Variants in PCDHGB1 observed in about 807,000 individuals in gnomAD.
PCDHGB1 encodes the protein protocadherin gamma-B1.
In PCDHGB1, 34 loss-of-function variants were observed where a neutral mutation model predicts 56.6. The observed-to-expected ratio is 0.60, with a 90% CI of 0.46 to 0.80. The LOEUF (loss-of-function observed/expected upper bound fraction) is 0.80, where lower values mean the gene tolerates loss of function less well. Among genes scored for constraint, PCDHGB1 ranks in the 30% least tolerant of loss-of-function variants. The probability of loss-of-function intolerance (pLI) is 0.00; values close to 1 mark genes in which losing one functional copy is unlikely to be tolerated. For missense variants in PCDHGB1, 1,278 were observed against 1,204.6 expected, an observed-to-expected ratio of 1.06 and a Z score of -0.90; for synonymous variants, 561 against 505.9, an observed-to-expected ratio of 1.11 and a Z score of -1.46.
At chr5:141,413,763 G>A (rs964376306) in intron 1 of PCDHGB1, 6 of 1,612,814 alleles carry the variant, frequency 3.7e-6, no homozygotes, top group Non-Finnish European at 5.1e-6. Context: ...TCAAGTACCC[G>A]GAGCTGGTAC....
intron 1 of PCDHGB1, chr5:141,361,833 G>A (rs376471858): frequency 1.3e-4 from 207 of 1,612,780 alleles, no homozygotes; most frequent in Non-Finnish European, 1.7e-4. Flanking sequence ...TGTACCCCGC[G>A]CTGGGGCCTG....
At position 141,486,694 on chromosome 5, in the gene PCDHGB1, C is replaced by T. The variant is rs1275794121; in HGVS notation, c.2410-8113C>T. ...ATCGAGATGTATCAGCTTCCTCTTTCATCTCTCTGAACCCCCAGACAGGAG... is the reference window on the plus strand; with the variant it reads ...ATCGAGATGTATCAGCTTCCTCTTTTATCTCTCTGAACCCCCAGACAGGAG... On this transcript the variant is annotated intron_variant, in intron 1 of 3. Transcript: ENST00000523390. This position sits in a 1 kb window ranked among gnomAD's most constrained non-coding sequence, Gnocchi z 5.0. 1.2e-6 allele frequency: 2 copies of T among 1,614,168 alleles called. No individual in the cohort carries two copies. Among genetic ancestry groups the T allele is most frequent in the Non-Finnish European group, 1.7e-6 (2 of 1,180,044 alleles).
intron 1 of PCDHGB1, chr5:141,366,310 C>A: frequency 6.2e-7 from 1 of 1,613,772 alleles, no homozygotes; most frequent in East Asian, 2.2e-5. Flanking sequence ...CCTTCACGGT[C>A]ACCGTTGCCG....
At chr5:141,419,756 G>A in intron 1 of PCDHGB1, 7 of 1,614,008 alleles carry the variant, frequency 4.3e-6, no homozygotes, top group East Asian at 2.2e-5. Flanking sequence ...GCGTGCTTTG[G>A]GTGACAAGGA....
rs6873304 is a variant in PCDHGB1, at chr5:141,369,666, G to A, written c.2409+16997G>A. ...GGGGGGAGATAATAAAGATAAAAGA[G>A]AAGAAAGTGAAACATAGAATAAAAC... On this transcript the variant is annotated intron_variant, in intron 1 of 3. Coordinates refer to ENST00000523390, the MANE Select transcript of PCDHGB1 (RefSeq NM_018922.3). 4.3e-3 allele frequency among the ~76,000 whole-genome samples: 662 copies of A among 152,228 alleles called. 7 individuals carry two copies. The highest frequency in any genetic ancestry group is 0.015 in the African/African-American group (637 of 41,556).
At chr5:141,496,048 G>A (rs1327057788) in intron 2 of PCDHGB1, among the ~76,000 whole-genome samples, 1 of 148,400 alleles carries the variant, frequency 6.7e-6, no homozygotes, top group Non-Finnish European at 1.5e-5. Context: ...TCATTTTTTT[G>A]TGCTTGTGGG....
chr5:141,470,680 T>C (rs1212361233), intron 1 of PCDHGB1, among the ~76,000 whole-genome samples: 1 of 152,090 alleles, frequency 6.6e-6, no homozygotes, highest in Non-Finnish European at 1.5e-5. Context: ...GCTGTTACCA[T>C]CTTGAAATTC....
At chr5:141,372,801 T>A in intron 1 of PCDHGB1, 1 of 1,594,978 alleles carries the variant, frequency 6.3e-7, no homozygotes, top group Non-Finnish European at 8.5e-7. Context: ...TTCAGGCAAT[T>A]TGCAAAAGGT....
intron 1 of PCDHGB1, among the ~76,000 whole-genome samples, chr5:141,460,961 A>ATGTG (rs35821115): frequency 4.1e-5 from 6 of 144,616 alleles, no homozygotes; most frequent in South Asian, 2.2e-4. Context: ...GTATATATAT[A>ATGTG]TGTGTGTGTG....
chr5:141,497,191 A>G (rs2099774633), intron 2 of PCDHGB1, among the ~76,000 whole-genome samples: 1 of 126,864 alleles, frequency 7.9e-6, no homozygotes, highest in Admixed American at 8.3e-5. Context: ...TGAGAGGCAG[A>G]GAACAATGTG....
intron 1 of PCDHGB1, chr5:141,427,797 G>T: frequency 6.6e-7 from 1 of 1,505,306 alleles, no homozygotes; most frequent in Non-Finnish European, 9.1e-7. Flanking sequence ...CTACGTGTCC[G>T]TGAGCGCACA....
rs551129846 is a variant in PCDHGB1, at chr5:141,432,711, A to T, written c.2410-62096A>T. 5 of 1,613,944 alleles carry T rather than the reference A, an allele frequency of 3.1e-6. No individual in the cohort carries two copies. The Admixed American group carries it at 8.3e-5, about 27-fold the overall frequency. ...GTAGTGGCCGTCCAGGACCACGGCCAGCCCCCTCTCTCCGCCACTGTCACG... is the reference window on the plus strand; with the variant it reads ...GTAGTGGCCGTCCAGGACCACGGCCTGCCCCCTCTCTCCGCCACTGTCACG... On this transcript the variant is annotated intron_variant, in intron 1 of 3. Transcript: ENST00000523390. This position sits in a 1 kb window ranked among gnomAD's most constrained non-coding sequence, Gnocchi z 6.0.
Position 141,419,336 on chromosome 5 carries a change from G to A in PCDHGB1, c.2409+66667G>A, listed in dbSNP as rs762064534. 6.8e-6 allele frequency: 11 copies of A among 1,613,772 alleles called. No individual in the cohort carries two copies. In the African/African-American group the frequency reaches 1.3e-4, roughly 20 times the overall value. ...CGGCCGTGTCTCCTACTCTCTCATT[G>A]CCAGCGACCTGGAGTCACGAACGCT... On this transcript the variant is annotated intron_variant, in intron 1 of 3. Coordinates refer to ENST00000523390, the MANE Select transcript of PCDHGB1 (RefSeq NM_018922.3).
intron 1 of PCDHGB1, chr5:141,382,906 G>A (rs1778564792): frequency 6.5e-7 from 1 of 1,544,848 alleles, no homozygotes; most frequent in Non-Finnish European, 8.7e-7. Context: ...GACTATGGCG[G>A]CTCAGCCGAG....
chr5:141,451,216 A>G (rs1561943760), intron 1 of PCDHGB1, among the ~76,000 whole-genome samples: 1 of 152,204 alleles, frequency 6.6e-6, no homozygotes, highest in Non-Finnish European at 1.5e-5. Context: ...TTAGTGGCTT[A>G]AAAGAAGCAT....
chr5:141,505,546 C>T (rs555460173), intron 3 of PCDHGB1, 65 bp downstream of exon 3: 36 of 1,608,242 alleles, frequency 2.2e-5, no homozygotes, highest in South Asian at 7.7e-5. Context: ...CATCTCACAG[C>T]CACCATGCCC....
chr5:141,476,687 A>G lies in PCDHGB1; in HGVS notation c.2410-18120A>G. 1 of 1,614,212 alleles carries G rather than the reference A, an allele frequency of 6.2e-7. No individual in the cohort carries two copies. Among genetic ancestry groups the G allele is most frequent in the Non-Finnish European group, 8.5e-7 (1 of 1,180,044 alleles). On this transcript the variant is annotated intron_variant, in intron 1 of 3. Transcript: ENST00000523390. This position sits in a 1 kb window ranked among gnomAD's most constrained non-coding sequence, Gnocchi z 7.6. ...TCGCGTGCAGACGCGGGAGGACAGC[A>G]CCAAGTACGCGGAGCTGGTGTTGGA... is the stretch of plus-strand genomic sequence containing the variant.
intron 1 of PCDHGB1, chr5:141,370,454 C>A: frequency 6.2e-7 from 1 of 1,611,484 alleles, no homozygotes; most frequent in Non-Finnish European, 8.5e-7. Context: ...TATTTCTCTT[C>A]CTGCTCTCTT....
chr5:141,361,707 G>A lies in PCDHGB1; in HGVS notation c.2409+9038G>A. On this transcript the variant is annotated intron_variant, in intron 1 of 3. Transcript: ENST00000523390. Reference sequence around the variant, plus strand: ...CGCAGCGCGCCTTCGATCATGAGCAGCTGCGCGCCTTCGAGCTCACACTGC... The same window carrying A: ...CGCAGCGCGCCTTCGATCATGAGCAACTGCGCGCCTTCGAGCTCACACTGC... The A allele has an allele frequency of 1.9e-6, 3 of 1,613,422 alleles. No individual in the cohort carries two copies. In the South Asian group the frequency reaches 3.3e-5, roughly 18 times the overall value.
Sources: allele counts gnomAD v4.1 joint callset (sites outside exome capture counted in the v4.1 genomes callset), GRCh38; gene constraint gnomAD v4.1.1; non-coding constraint Gnocchi (gnomAD v3.1); transcripts MANE v1.5; gene names NCBI Gene and HGNC (gene_info 2026-07-23, HGNC 2026-07-21).